FAM174A: variants seen among roughly 807,000 people sequenced by gnomAD.
The protein encoded by FAM174A is family with sequence similarity 174 member A.
FAM174A carries 14 observed loss-of-function variants against 14.3 expected under a neutral mutation model. The observed-to-expected ratio is 0.98, with a 90% CI of 0.65 to 1.53. The LOEUF (loss-of-function observed/expected upper bound fraction) is 1.53, where lower values mean the gene tolerates loss of function less well. Ranked by LOEUF, FAM174A falls within the 40% of genes most tolerant of loss-of-function variation. The pLI is 0.00. For synonymous variants in FAM174A, 108 were observed against 111.4 expected (o/e 0.97, Z 0.19); for missense variants, 241 against 249.6 (o/e 0.97, Z 0.23).
intron 2 of FAM174A, among the ~76,000 whole-genome samples, chr5:100,566,236 A>G (rs1193374895): frequency 6.8e-6 from 1 of 147,272 alleles, no homozygotes; most frequent in Non-Finnish European, 1.5e-5. Context: ...CTTAAAAAAA[A>G]GAAAATCTGG....
chr5:100,563,244 G>A (rs1746564860), intron 2 of FAM174A, among the ~76,000 whole-genome samples: 1 of 151,754 alleles, frequency 6.6e-6, no homozygotes, highest in African/African-American at 2.4e-5. Flanking sequence ...AATTGCATCT[G>A]TTCTTCAGGC....
At chr5:100,569,284 A>C (rs921335993) in intron 2 of FAM174A, among the ~76,000 whole-genome samples, 1 of 151,884 alleles carries the variant, frequency 6.6e-6, no homozygotes, top group Non-Finnish European at 1.5e-5. Context: ...TGTATGTATT[A>C]TAATCACAAT....
At chr5:100,541,077 A>G (rs985013383) in intron 1 of FAM174A, among the ~76,000 whole-genome samples, 2 of 152,200 alleles carry the variant, frequency 1.3e-5, no homozygotes, top group African/African-American at 2.4e-5. Flanking sequence ...TAGTTTGACA[A>G]GTTATCATAT....
At chr5:100,553,415 T>C (rs1303681380) in intron 1 of FAM174A, among the ~76,000 whole-genome samples, 1 of 152,128 alleles carries the variant, frequency 6.6e-6, no homozygotes, top group Non-Finnish European at 1.5e-5. Context: ...ATACAGCATG[T>C]GTGTTTTATT....
intron 2 of FAM174A, among the ~76,000 whole-genome samples, chr5:100,576,471 TTA>T (rs1746908621): frequency 2.0e-5 from 3 of 152,206 alleles, no homozygotes; most frequent in Admixed American, 2.0e-4. Flanking sequence ...TGTCTCTTTC[TTA>T]AGAATGAGAA....
intron 1 of FAM174A, among the ~76,000 whole-genome samples, chr5:100,539,932 A>G (rs1350523149): frequency 6.6e-6 from 1 of 152,178 alleles, no homozygotes; most frequent in Admixed American, 6.5e-5. Context: ...ATTGATCATC[A>G]TATTTGTGCC....
chr5:100,583,093 AAGAAAATCATAAGGAAG>A lies in FAM174A; in HGVS notation c.570-3080_570-3064del, dbSNP rs1747053378. Among the ~76,000 whole-genome samples, 11 of 152,346 alleles carry A rather than the reference AAGAAAATCATAAGGAAG, an allele frequency of 7.2e-5. No individual in the cohort carries two copies. In the South Asian group the frequency reaches 2.3e-3, roughly 32 times the overall value. On this transcript the variant is annotated intron_variant, in intron 2 of 2. Transcript: ENST00000312637. ...ATGCTAAAGAAAAGAAAATGTTACT[AAGAAAATCATAAGGAAG>A]AGAAAATATATTTACTGTTCATTAA...
At chr5:100,579,549 CAT>C (rs1437112137) in intron 2 of FAM174A, among the ~76,000 whole-genome samples, 2 of 152,080 alleles carry the variant, frequency 1.3e-5, no homozygotes, top group East Asian at 3.9e-4. Context: ...CTCAGCCTCT[CAT>C]GTAGCTGGGA....
At chr5:100,575,467 G>A (rs922035654) in intron 2 of FAM174A, among the ~76,000 whole-genome samples, 1 of 151,942 alleles carries the variant, frequency 6.6e-6, no homozygotes, top group Non-Finnish European at 1.5e-5. Context: ...TGTTCTCATT[G>A]TTCAATTCCC....
chr5:100,543,924 T>C (rs1746115110), intron 1 of FAM174A, among the ~76,000 whole-genome samples: 1 of 152,230 alleles, frequency 6.6e-6, no homozygotes, highest in Non-Finnish European at 1.5e-5. Context: ...ATTTTGAGAA[T>C]ACCTGTGTTA....
chr5:100,559,937 T>C, intron 1 of FAM174A, among the ~76,000 whole-genome samples: 1 of 152,110 alleles, frequency 6.6e-6, no homozygotes, highest in East Asian at 1.9e-4. Context: ...TGAAGCCTTC[T>C]TCTCTCAACT....
chr5:100,584,541 G>A (rs953005920), intron 2 of FAM174A, among the ~76,000 whole-genome samples: 6 of 151,770 alleles, frequency 4.0e-5, no homozygotes, highest in African/African-American at 1.5e-4. Flanking sequence ...TCTTTTGTTG[G>A]CATTAAATTT....
intron 1 of FAM174A, among the ~76,000 whole-genome samples, chr5:100,553,631 C>A (rs934205047): frequency 6.6e-6 from 1 of 152,018 alleles, no homozygotes; most frequent in African/African-American, 2.4e-5. Flanking sequence ...AACTGCATCA[C>A]CCATTTATTT....
At chr5:100,556,476 A>G (rs1178342411) in intron 1 of FAM174A, among the ~76,000 whole-genome samples, 4 of 152,154 alleles carry the variant, frequency 2.6e-5, no homozygotes, top group African/African-American at 9.7e-5. Flanking sequence ...CAGTTCTATG[A>G]AGAAAGTCAT....
At chr5:100,576,320 C>T (rs1044582570) in intron 2 of FAM174A, among the ~76,000 whole-genome samples, 2 of 151,992 alleles carry the variant, frequency 1.3e-5, no homozygotes, top group East Asian at 1.9e-4. Context: ...GGGTCTTGCT[C>T]CTCTCCTCTG....
chr5:100,562,291 A>C, intron 2 of FAM174A, 103 bp downstream of exon 2: 2 of 1,089,868 alleles, frequency 1.8e-6, no homozygotes, highest in Non-Finnish European at 2.6e-6. Flanking sequence ...ATATTCCAAC[A>C]CAGTTTCTTC....
intron 1 of FAM174A, among the ~76,000 whole-genome samples, chr5:100,557,886 C>T (rs1366529024): frequency 6.6e-6 from 1 of 152,048 alleles, no homozygotes; most frequent in African/African-American, 2.4e-5. Context: ...TTCAAAAAAC[C>T]AGCTACTGGA....
intron 1 of FAM174A, among the ~76,000 whole-genome samples, chr5:100,539,092 AT>A (rs917995181): frequency 1.3e-5 from 2 of 152,048 alleles, no homozygotes; most frequent in African/African-American, 2.4e-5. Flanking sequence ...TTTAAAAAAA[AT>A]CTCTATGCTC....
At chr5:100,563,831 G>T (rs1321582306) in intron 2 of FAM174A, among the ~76,000 whole-genome samples, 2 of 151,698 alleles carry the variant, frequency 1.3e-5, no homozygotes, top group South Asian at 2.1e-4. Flanking sequence ...ATCAATAACA[G>T]CAGGAAAACA....
Sources: gnomAD v4.1 joint callset for allele counts (sites outside exome capture counted in the v4.1 genomes callset) on GRCh38, gnomAD v4.1.1 for gene constraint, MANE v1.5 for transcripts, NCBI Gene and HGNC (gene_info 2026-07-23, HGNC 2026-07-21) for gene names.